SYNPR: variants seen among roughly 807,000 people sequenced by gnomAD.
The protein encoded by SYNPR is synaptoporin.
In SYNPR, 23 loss-of-function variants were observed where a neutral mutation model predicts 32.9. The ratio of observed to expected loss-of-function variants is 0.70; its 90% CI spans 0.50 to 0.99. The LOEUF is 0.99. Among genes scored for constraint, SYNPR ranks in the 50% least tolerant of loss-of-function variants. The pLI is 0.00. For missense variants in SYNPR, 318 were observed against 349.3 expected (o/e 0.91, Z 0.71); for synonymous variants, 146 against 135.9 (o/e 1.07, Z -0.52).
Position 63,615,424 on chromosome 3 carries a change from C to T in SYNPR, c.801C>T (p.Thr267=), listed in dbSNP as rs1700266127. ...GTCAGCAGGCGAGTTTGGGGCCAAC[C>T]TCAGATGAGTTTGGCCAACAGCCTA... is the stretch of plus-strand genomic sequence containing the variant. ...GYSQQASLGP[T]SDEFGQQPTG... Residue 267 remains threonine, a synonymous_variant, in exon 6 of 6, where the codon ACC becomes ACT. Coordinates refer to ENST00000478300, the MANE Select transcript of SYNPR (RefSeq NM_001130003.2). 1 of 1,613,944 alleles carries T rather than the reference C, an allele frequency of 6.2e-7. No individual in the cohort carries two copies. Among genetic ancestry groups the T allele is most frequent in the Non-Finnish European group, 8.5e-7 (1 of 1,179,886 alleles).
At chr3:63,584,182 G>A (rs1229367704) in intron 4 of SYNPR, among the ~76,000 whole-genome samples, 1 of 152,068 alleles carries the variant, frequency 6.6e-6, no homozygotes, top group South Asian at 2.1e-4. Flanking sequence ...CGGCAGGAGA[G>A]CAGCCTTAAG....
intron 2 of SYNPR, among the ~76,000 whole-genome samples, chr3:63,338,576 C>T (rs1196165212): frequency 1.3e-5 from 2 of 152,098 alleles, no homozygotes; most frequent in South Asian, 2.1e-4. Context: ...AATATAAGAG[C>T]CAATAGAGAA....
chr3:63,321,488 G>A (rs1273347382), intron 2 of SYNPR, among the ~76,000 whole-genome samples: 1 of 152,052 alleles, frequency 6.6e-6, no homozygotes, highest in Non-Finnish European at 1.5e-5. Context: ...CAAGTTATAT[G>A]TGGGCACAGA....
intron 3 of SYNPR, among the ~76,000 whole-genome samples, chr3:63,529,863 C>G (rs6801667): frequency 1.3e-5 from 2 of 151,780 alleles, no homozygotes; most frequent in African/African-American, 2.4e-5. Context: ...CACACTCAGG[C>G]GAAAAGGATA....
chr3:63,330,067 T>C (rs1575599985), intron 2 of SYNPR: 2 of 152,364 alleles, frequency 1.3e-5, no homozygotes, highest in Non-Finnish European at 1.5e-5. Flanking sequence ...CTGGCTTATG[T>C]AGGCTCACCT....
chr3:63,246,362 T>C (rs1176886323), intron 1 of SYNPR, among the ~76,000 whole-genome samples: 3 of 152,130 alleles, frequency 2.0e-5, no homozygotes, highest in Non-Finnish European at 4.4e-5. Flanking sequence ...ATTTATTTAC[T>C]CATTCATCCC....
At chr3:63,380,227 G>A (rs1414826969) in intron 2 of SYNPR, among the ~76,000 whole-genome samples, 5 of 152,142 alleles carry the variant, frequency 3.3e-5, no homozygotes, top group Admixed American at 6.5e-5. Context: ...TGGCTCAAAC[G>A]GTATTTCTAG....
At chr3:63,595,759 A>T (rs1327740509) in intron 4 of SYNPR, among the ~76,000 whole-genome samples, 6 of 53,050 alleles carry the variant, frequency 1.1e-4, no homozygotes, top group African/African-American at 4.1e-4. Flanking sequence ...ATATATATAT[A>T]TATATATATA....
chr3:63,515,906 T>A (rs113207426), intron 3 of SYNPR, among the ~76,000 whole-genome samples: 189 of 152,206 alleles, frequency 1.2e-3, no homozygotes, highest in African/African-American at 4.0e-3. Context: ...ATCACAATCA[T>A]GAGGATCCCT....
At chr3:63,456,000 C>G (rs571630498) in intron 2 of SYNPR, among the ~76,000 whole-genome samples, 1 of 152,132 alleles carries the variant, frequency 6.6e-6, no homozygotes, top group Admixed American at 6.5e-5. Context: ...GGAGGCCTCA[C>G]AATCATGGCA....
At chr3:63,565,350 G>C (rs1702762849) in intron 4 of SYNPR, among the ~76,000 whole-genome samples, 1 of 152,156 alleles carries the variant, frequency 6.6e-6, no homozygotes, top group Admixed American at 6.5e-5. Flanking sequence ...CTGGAGGCTG[G>C]AAAGTCCAAG....
Position 63,287,566 on chromosome 3 carries a change from C to T in SYNPR, c.84+8824C>T, listed in dbSNP as rs142706509. 2.9e-3 allele frequency among the ~76,000 whole-genome samples: 448 copies of T among 152,260 alleles called. 1 individual carries two copies. Among genetic ancestry groups the T allele is most frequent in the African/African-American group, 0.01 (416 of 41,548 alleles). On this transcript the variant is annotated intron_variant, in intron 2 of 5. Coordinates refer to ENST00000478300, the MANE Select transcript of SYNPR (RefSeq NM_001130003.2). Reference sequence around the variant, plus strand: ...TATGTTTCTAACACAGTGCTTAACACACAGTAAGGCCAACATCAGGGACAT... The same window carrying T: ...TATGTTTCTAACACAGTGCTTAACATACAGTAAGGCCAACATCAGGGACAT...
intron 3 of SYNPR, among the ~76,000 whole-genome samples, chr3:63,517,491 T>C (rs1347884923): frequency 6.6e-6 from 1 of 152,124 alleles, no homozygotes; most frequent in East Asian, 1.9e-4. Context: ...TAGACATCAA[T>C]GATAGTATCC....
chr3:63,539,250 AAGT>A (rs1360435453), intron 3 of SYNPR, among the ~76,000 whole-genome samples: 6 of 152,128 alleles, frequency 3.9e-5, no homozygotes, highest in African/African-American at 1.4e-4. Flanking sequence ...TTCCACAACA[AAGT>A]AGAATCCATG....
intron 2 of SYNPR, among the ~76,000 whole-genome samples, chr3:63,397,478 C>A (rs2088231393): frequency 6.6e-6 from 1 of 152,018 alleles, no homozygotes; most frequent in Non-Finnish European, 1.5e-5. Flanking sequence ...TTTTTTTCTC[C>A]CTAATTCCTC....
chr3:63,267,744 G>C (rs767563279), intron 3 of SYNPR, among the ~76,000 whole-genome samples: 1 of 152,134 alleles, frequency 6.6e-6, no homozygotes, highest in African/African-American at 2.4e-5. Context: ...TTGCAATGTT[G>C]ATTATTATAT....
intron 2 of SYNPR, among the ~76,000 whole-genome samples, chr3:63,301,646 T>C (rs1354716174): frequency 6.6e-6 from 1 of 152,072 alleles, no homozygotes; most frequent in Non-Finnish European, 1.5e-5. Context: ...TGACATATTA[T>C]AATTTGTACA....
intron 3 of SYNPR, among the ~76,000 whole-genome samples, chr3:63,529,370 T>C (rs1426485992): frequency 6.6e-6 from 1 of 152,226 alleles, no homozygotes; most frequent in Admixed American, 6.5e-5. Flanking sequence ...GTGGTACTGT[T>C]ATTTCTAAAT....
the SYNPR span, among the ~76,000 whole-genome samples, chr3:63,203,718 C>G: frequency 6.6e-6 from 1 of 152,172 alleles, no homozygotes; most frequent in African/African-American, 2.4e-5. Flanking sequence ...TTCTTTGGGC[C>G]GGGTGCTGTG....
Sources: gnomAD v4.1 joint callset for allele counts (sites outside exome capture counted in the v4.1 genomes callset) on GRCh38, gnomAD v4.1.1 for gene constraint, MANE v1.5 for transcripts, NCBI Gene and HGNC (gene_info 2026-07-23, HGNC 2026-07-21) for gene names.